The following CNBD1 variants were observed in gnomAD, a reference collection of about 807,000 sequenced individuals.
CNBD1 encodes the protein cyclic nucleotide-binding domain-containing protein 1.
In CNBD1, 71 loss-of-function variants were observed where a neutral mutation model predicts 54.4. That is an observed-to-expected ratio of 1.30 (90% CI 1.08 to 1.59). CNBD1 has a LOEUF of 1.59. Ranked by LOEUF, CNBD1 falls within the 40% of genes most tolerant of loss-of-function variation. The pLI is 0.00. For synonymous variants in CNBD1, 182 were observed against 170.7 expected (o/e 1.07, Z -0.51); for missense variants, 659 against 518.0 (o/e 1.27, Z -2.64).
At chr8:87,425,646 G>A (rs1053870210) in intron 2 of CNBD1, among the ~76,000 whole-genome samples, 1 of 152,128 alleles carries the variant, frequency 6.6e-6, no homozygotes, top group African/African-American at 2.4e-5. Flanking sequence ...TCAGGGGTCA[G>A]GGACCCACTT....
At chr8:87,395,809 T>C (rs1811398543) in intron 2 of CNBD1, among the ~76,000 whole-genome samples, 1 of 151,862 alleles carries the variant, frequency 6.6e-6, no homozygotes, top group Non-Finnish European at 1.5e-5. Context: ...TGAGAGATAA[T>C]TGAATCATGG....
chr8:87,176,009 G>A (rs1323834408), intron 4 of CNBD1, among the ~76,000 whole-genome samples: 1 of 152,188 alleles, frequency 6.6e-6, no homozygotes, highest in East Asian at 1.9e-4. Context: ...GCAGCACTGA[G>A]TTTAATGCAA....
intron 4 of CNBD1, among the ~76,000 whole-genome samples, chr8:87,178,240 T>A (rs1331779048): frequency 6.6e-6 from 1 of 152,152 alleles, no homozygotes; most frequent in Non-Finnish European, 1.5e-5. Context: ...GGAACATGAT[T>A]AGTGTTATGA....
intron 4 of CNBD1, among the ~76,000 whole-genome samples, chr8:87,181,697 T>A (rs1388175307): frequency 1.3e-5 from 2 of 152,136 alleles, no homozygotes; most frequent in Non-Finnish European, 2.9e-5. Flanking sequence ...ATTTCTGAGG[T>A]TTTTTCCTTG....
chr8:87,292,338 ATAGT>A (rs1264971082), intron 8 of CNBD1, among the ~76,000 whole-genome samples: 1 of 152,234 alleles, frequency 6.6e-6, no homozygotes, highest in Admixed American at 6.5e-5. Context: ...AAGGACAGCA[ATAGT>A]TAAAGAAGTT....
At position 87,082,675 on chromosome 8, in the gene CNBD1, T is replaced by G. The variant is rs530417329; in HGVS notation, c.432-123318T>G. 1.9e-3 allele frequency among the ~76,000 whole-genome samples: 292 copies of G among 151,508 alleles called. 1 individual carries two copies. Among genetic ancestry groups the G allele is most frequent in the African/African-American group, 6.3e-3 (256 of 40,948 alleles). On this transcript the variant is annotated intron_variant, in intron 4 of 10. Transcript: ENST00000518476. ...ACCCTGTGTGTGTGTGTGTGTGTGT[T>G]TTAATTCAATCAGATAATCTCTGTA...
intron 10 of CNBD1, among the ~76,000 whole-genome samples, chr8:87,372,699 C>T (rs1267726300): frequency 6.6e-6 from 1 of 151,784 alleles, no homozygotes; most frequent in Non-Finnish European, 1.5e-5. Context: ...TCTTACCTAT[C>T]AATGATTATT....
intron 8 of CNBD1, among the ~76,000 whole-genome samples, chr8:87,318,771 G>T (rs1809455136): frequency 6.6e-6 from 1 of 152,080 alleles, no homozygotes. Context: ...AATATATATT[G>T]TATCAGGCTG....
rs115483711 is a variant in CNBD1 at position 87,082,209 on chromosome 8, A to G, written c.432-123784A>G. Among the ~76,000 whole-genome samples, 1,099 of 152,222 alleles carry G rather than the reference A, an allele frequency of 7.2e-3. 17 individuals carry two copies. The highest frequency in any genetic ancestry group is 0.025 in the African/African-American group (1,031 of 41,520). On this transcript the variant is annotated intron_variant, in intron 4 of 10. Coordinates refer to ENST00000518476, the MANE Select transcript of CNBD1 (RefSeq NM_173538.3). ...GACCTTGTGACATTCCCCCCGGACA[A>G]TGAGTCACATGATCTCCCCACCCTG...
intron 4 of CNBD1, among the ~76,000 whole-genome samples, chr8:87,140,309 G>T (rs972831785): frequency 2.6e-5 from 4 of 151,852 alleles, no homozygotes; most frequent in Non-Finnish European, 4.4e-5. Context: ...TTATGTATTC[G>T]ATCAAAGCCA....
intron 4 of CNBD1, among the ~76,000 whole-genome samples, chr8:87,073,625 C>G (rs1032061435): frequency 2.6e-5 from 4 of 152,086 alleles, no homozygotes; most frequent in African/African-American, 7.2e-5. Context: ...TTCTCATACC[C>G]GGATGTATCA....
chr8:86,924,008 C>T (rs78221307), intron 3 of CNBD1, among the ~76,000 whole-genome samples: 4,664 of 152,178 alleles, frequency 0.031, 105 homozygotes, highest in Non-Finnish European at 0.046. Flanking sequence ...GTAGTAAGTT[C>T]CATTCAATTC....
At chr8:87,419,107 A>ATAAT (rs3081540) in intron 2 of CNBD1, among the ~76,000 whole-genome samples, 85,394 of 151,190 alleles carry the variant, frequency 0.56, 25,599 homozygotes, top group African/African-American at 0.76. Context: ...ATGTATATAT[A>ATAAT]TATTCATTCA....
chr8:87,325,015 T>C (rs1317458007), intron 8 of CNBD1, among the ~76,000 whole-genome samples: 2 of 104,832 alleles, frequency 1.9e-5, no homozygotes, highest in South Asian at 5.1e-4. Context: ...TTTGTTCTCG[T>C]TGGTTTCAAA....
At chr8:87,146,778 A>AACACT (rs1812499227) in intron 4 of CNBD1, among the ~76,000 whole-genome samples, 1 of 152,154 alleles carries the variant, frequency 6.6e-6, no homozygotes, top group Non-Finnish European at 1.5e-5. Flanking sequence ...CTTAGTGCAA[A>AACACT]ACACTATCAT....
chr8:87,319,162 T>C (rs189669441), intron 8 of CNBD1, among the ~76,000 whole-genome samples: 61 of 152,116 alleles, frequency 4.0e-4, no homozygotes, highest in Non-Finnish European at 7.5e-4. Flanking sequence ...ATTGATAATG[T>C]AGCACTTGAT....
intron 3 of CNBD1, among the ~76,000 whole-genome samples, chr8:86,926,532 G>A (rs192455235): frequency 1.3e-5 from 2 of 152,306 alleles, no homozygotes; most frequent in East Asian, 1.9e-4. Flanking sequence ...AAGGGGAGAC[G>A]CCATGTCACC....
chr8:86,914,163 G>A lies in CNBD1; in HGVS notation c.272+8969G>A, dbSNP rs370717512. ...GTTCAGTTAACGCAATCATCACAGG[G>A]TCCTGAGGCGACATACATCCTCCTC... On this transcript the variant is annotated intron_variant, in intron 3 of 10. Transcript: ENST00000518476. Among the ~76,000 whole-genome samples the A allele has an allele frequency of 2.0e-5, 3 of 152,236 alleles. No individual in the cohort carries two copies. In the East Asian group the frequency reaches 5.8e-4, roughly 29 times the overall value.
chr8:87,219,300 G>C (rs961673145), intron 5 of CNBD1, among the ~76,000 whole-genome samples: 2 of 152,008 alleles, frequency 1.3e-5, no homozygotes, highest in Non-Finnish European at 2.9e-5. Flanking sequence ...AGGTAAGGAT[G>C]AATGTGACTG....
Sources: gnomAD v4.1 joint callset for allele counts (sites outside exome capture counted in the v4.1 genomes callset) on GRCh38, gnomAD v4.1.1 for gene constraint, MANE v1.5 for transcripts, NCBI Gene and HGNC (gene_info 2026-07-23, HGNC 2026-07-21) for gene names.